Variants in REPS1 observed in about 807,000 individuals in gnomAD.
REPS1 encodes the protein ralBP1-associated Eps domain-containing protein 1.
REPS1 carries 39 observed loss-of-function variants against 100.9 expected under a neutral mutation model. That is an observed-to-expected ratio of 0.39 (90% confidence interval 0.30 to 0.50). REPS1 has a LOEUF of 0.50. REPS1 is among the 20% of genes least tolerant of loss of function. REPS1 has a pLI of 0.86. For synonymous variants in REPS1, 324 were observed against 340.3 expected (o/e 0.95, Z 0.53); for missense variants, 821 against 968.5 (o/e 0.85, Z 2.02).
chr6:138,924,472 G>A (rs996808227), intron 10 of REPS1, among the ~76,000 whole-genome samples: 1 of 152,096 alleles, frequency 6.6e-6, no homozygotes, highest in African/African-American at 2.4e-5. Context: ...TCAGTCGTAG[G>A]TCAATTTATT....
At chr6:138,932,361 G>A (rs893530761) in intron 8 of REPS1, among the ~76,000 whole-genome samples, 2 of 152,140 alleles carry the variant, frequency 1.3e-5, no homozygotes, top group African/African-American at 4.8e-5. Context: ...AACTATTCTT[G>A]TAATAATGCT....
At chr6:138,985,747 T>A (rs1487695717) in intron 1 of REPS1, among the ~76,000 whole-genome samples, 1 of 152,146 alleles carries the variant, frequency 6.6e-6, no homozygotes, top group Non-Finnish European at 1.5e-5. Context: ...GAGCAAAACA[T>A]AAAAATAACT....
intron 1 of REPS1, among the ~76,000 whole-genome samples, chr6:138,955,457 A>AAGTGTGGGTGTGTGT (rs10689184): frequency 1.1e-5 from 1 of 90,720 alleles, no homozygotes. Context: ...AAAAAAAAAA[A>AAGTGTGGGTGTGTGT]GTGTGTGTGT....
intron 16 of REPS1, 123 bp downstream of exon 16, chr6:138,912,642 G>C: frequency 4.4e-6 from 4 of 903,868 alleles, no homozygotes; most frequent in Non-Finnish European, 1.8e-6. Flanking sequence ...TAAAAAAGAT[G>C]AGAAGCACTG....
intron 8 of REPS1, among the ~76,000 whole-genome samples, chr6:138,939,735 C>G (rs1302779106): frequency 6.6e-6 from 1 of 152,146 alleles, no homozygotes; most frequent in Non-Finnish European, 1.5e-5. Context: ...CTTTTGGTTA[C>G]TATCATAGGT....
At chr6:138,918,825 C>T (rs1780573220) in intron 12 of REPS1, among the ~76,000 whole-genome samples, 1 of 151,934 alleles carries the variant, frequency 6.6e-6, no homozygotes, top group African/African-American at 2.4e-5. Flanking sequence ...AAGAGAATCC[C>T]AGAAATAGAC....
chr6:138,926,380 C>G (rs763136029), intron 10 of REPS1, 21 bp downstream of exon 10: 3 of 1,561,646 alleles, frequency 1.9e-6, no homozygotes, highest in Admixed American at 3.4e-5. Context: ...CTCAAACAAG[C>G]AAGCTAAGTG....
At position 138,911,289 on chromosome 6, in the gene REPS1, G is replaced by A; in HGVS notation, c.2054C>T (p.Ala685Val). ...CATTTTGCATACCACATTGGCAGGA[G>A]CACTAGCAGCTGTCTTTTCTTCAGT... ...SKTEEKTAAS[A>V]PANVSKGTTP... Residue 685 changes from alanine (A) to valine (V), a missense_variant, in exon 17 of 20, where the codon GCT (alanine) becomes GTT (valine). Around this residue, in one of 3 missense-constraint regions of REPS1, gnomAD observed 757 missense variants for 866.4 expected, o/e 0.87. Transcript: ENST00000450536. The A allele has an allele frequency of 2.5e-6, 4 of 1,605,398 alleles. No homozygotes were observed. Among genetic ancestry groups the A allele is most frequent in the Non-Finnish European group, 3.4e-6 (4 of 1,172,176 alleles).
At chr6:138,907,259 C>T (rs1426704601) in intron 19 of REPS1, 2 of 318,570 alleles carry the variant, frequency 6.3e-6, no homozygotes, top group Non-Finnish European at 1.2e-5. Context: ...TAGCTTGAGC[C>T]CAGGTTGCCA....
intron 1 of REPS1, among the ~76,000 whole-genome samples, chr6:138,979,804 TTC>T (rs1244343714): frequency 6.6e-6 from 1 of 152,218 alleles, no homozygotes; most frequent in Non-Finnish European, 1.5e-5. Flanking sequence ...AGGATTCCAG[TTC>T]TAGTCAATCT....
chr6:138,907,613 A>G lies in REPS1; in HGVS notation c.2217-13T>C. On this transcript the variant is annotated splice_polypyrimidine_tract_variant and intron_variant, in intron 18 of 19. Coordinates refer to ENST00000450536, the MANE Select transcript of REPS1 (RefSeq NM_001286611.2). The stretch of plus-strand genomic sequence containing the variant: ...TTTCCCAACAGATCTGAGAAGATAA[A>G]GAAGGCAAAAAAACCCATAACCTTC... 6.5e-7 allele frequency: 1 copy of G among 1,544,796 alleles called. No individual in the cohort carries two copies. Among genetic ancestry groups the G allele is most frequent in the South Asian group, 1.1e-5 (1 of 89,176 alleles).
At chr6:138,957,336 C>CTTCT (rs1362177019) in intron 1 of REPS1, among the ~76,000 whole-genome samples, 5 of 152,100 alleles carry the variant, frequency 3.3e-5, no homozygotes, top group African/African-American at 1.2e-4. Flanking sequence ...ATCGAGTAGA[C>CTTCT]TAGAATGAGA....
intron 8 of REPS1, among the ~76,000 whole-genome samples, chr6:138,937,772 T>C (rs550216027): frequency 6.6e-6 from 1 of 152,302 alleles, no homozygotes; most frequent in East Asian, 1.9e-4. Flanking sequence ...ATTTCAACAA[T>C]GTGAATGTCT....
intron 16 of REPS1, among the ~76,000 whole-genome samples, chr6:138,912,447 TA>T (rs1374886886): frequency 6.6e-6 from 1 of 152,188 alleles, no homozygotes; most frequent in East Asian, 1.9e-4. Flanking sequence ...CATGGCCTCT[TA>T]TGACAGGGAA....
intron 1 of REPS1, among the ~76,000 whole-genome samples, chr6:138,976,484 C>G (rs1784610778): frequency 1.3e-5 from 2 of 152,152 alleles, no homozygotes; most frequent in South Asian, 4.1e-4. Context: ...GGTGATTATT[C>G]CAGTGGACAA....
intron 8 of REPS1, among the ~76,000 whole-genome samples, chr6:138,940,731 C>T (rs1453254044): frequency 2.1e-5 from 3 of 144,716 alleles, no homozygotes; most frequent in Non-Finnish European, 3.0e-5. Context: ...GGTGACAGAA[C>T]GAGACTCCAA....
At chr6:138,954,303 T>A (rs1783235051) in intron 1 of REPS1, among the ~76,000 whole-genome samples, 1 of 151,964 alleles carries the variant, frequency 6.6e-6, no homozygotes, top group South Asian at 2.1e-4. Flanking sequence ...TTCACATAGC[T>A]AGGGGAAGGA....
intron 7 of REPS1, among the ~76,000 whole-genome samples, chr6:138,942,815 C>T (rs1294355583): frequency 1.3e-5 from 2 of 152,122 alleles, no homozygotes; most frequent in Non-Finnish European, 2.9e-5. Flanking sequence ...AGTGAAATGG[C>T]ACAATCTTGG....
At chr6:138,949,043 G>A (rs1238704838) in intron 1 of REPS1, among the ~76,000 whole-genome samples, 1 of 152,230 alleles carries the variant, frequency 6.6e-6, no homozygotes, top group Non-Finnish European at 1.5e-5. Context: ...AGGGAACTAT[G>A]AGGAAAAGGG....
Sources: allele counts gnomAD v4.1 joint callset (sites outside exome capture counted in the v4.1 genomes callset), GRCh38; gene constraint gnomAD v4.1.1; regional missense constraint gnomAD v4.1.1; transcripts MANE v1.5; gene names NCBI Gene and HGNC (gene_info 2026-07-23, HGNC 2026-07-21).